The following DAB1 variants were observed in gnomAD, a reference collection of about 807,000 sequenced individuals.
DAB1 encodes disabled homolog 1.
A neutral mutation model predicts 64.6 loss-of-function variants in DAB1; 15 were observed. The ratio of observed to expected loss-of-function variants is 0.23; its 90% CI spans 0.16 to 0.36. DAB1 has a LOEUF of 0.36. DAB1 is among the 10% of genes least tolerant of loss of function. The pLI, the probability that DAB1 is intolerant of heterozygous loss-of-function variation, is 1.00. For missense variants in DAB1, 596 were observed against 706.7 expected, an observed-to-expected ratio of 0.84 and a Z score of 1.78; for synonymous variants, 235 against 251.9, an observed-to-expected ratio of 0.93 and a Z score of 0.64.
intron 1 of DAB1, among the ~76,000 whole-genome samples, chr1:57,399,205 G>A (rs988354647): frequency 1.3e-5 from 2 of 152,074 alleles, no homozygotes; most frequent in African/African-American, 4.8e-5. Flanking sequence ...TTAGTGTGAG[G>A]GTCTTTTTTT....
intron 1 of DAB1, among the ~76,000 whole-genome samples, chr1:57,843,858 G>T (rs1653159700): frequency 1.3e-5 from 2 of 152,092 alleles, no homozygotes. Flanking sequence ...AGCAGGAACA[G>T]CAATACTTGA....
intron 9 of DAB1, among the ~76,000 whole-genome samples, chr1:57,052,226 A>G (rs1380870316): frequency 6.6e-6 from 1 of 152,178 alleles, no homozygotes; most frequent in Non-Finnish European, 1.5e-5. Flanking sequence ...CTTTTTCTAC[A>G]GCAAAATCAA....
intron 5 of DAB1, among the ~76,000 whole-genome samples, chr1:58,127,138 A>G (rs1284976110): frequency 4.0e-5 from 6 of 151,362 alleles, no homozygotes; most frequent in Non-Finnish European, 8.8e-5. Context: ...CTGACTTTTT[A>G]ATGATTGCCA....
chr1:57,915,498 A>G (rs970242100), intron 5 of DAB1, among the ~76,000 whole-genome samples: 14 of 152,062 alleles, frequency 9.2e-5, no homozygotes, highest in African/African-American at 3.4e-4. Flanking sequence ...CTAAAATCAG[A>G]GTTTGGCAGC....
intron 1 of DAB1, among the ~76,000 whole-genome samples, chr1:57,297,131 G>A (rs1440363595): frequency 6.6e-6 from 1 of 152,160 alleles, no homozygotes; most frequent in Non-Finnish European, 1.5e-5. Flanking sequence ...GAAATCGGAA[G>A]GGGAGAGCTG....
At chr1:57,033,885 G>A (rs774201135) in intron 9 of DAB1, among the ~76,000 whole-genome samples, 9 of 152,194 alleles carry the variant, frequency 5.9e-5, no homozygotes, top group Admixed American at 2.0e-4. Flanking sequence ...GTTTACACCT[G>A]AGATTTTTCT....
At chr1:58,119,591 G>A (rs922471805) in intron 5 of DAB1, among the ~76,000 whole-genome samples, 5 of 152,078 alleles carry the variant, frequency 3.3e-5, no homozygotes, top group Non-Finnish European at 7.4e-5. Context: ...ACAGAGCAGA[G>A]AAAACAGGGC....
intron 2 of DAB1, among the ~76,000 whole-genome samples, chr1:57,150,909 A>C (rs776754026): frequency 5.9e-5 from 9 of 152,168 alleles, no homozygotes; most frequent in Non-Finnish European, 8.8e-5. Context: ...CAATCCCAGC[A>C]CTTTGAGAGG....
chr1:58,175,344 C>CA (rs749795261), intron 4 of DAB1, among the ~76,000 whole-genome samples: 17 of 152,192 alleles, frequency 1.1e-4, no homozygotes, highest in Admixed American at 1.0e-3. Context: ...ACTCTGGACA[C>CA]ATCTGAACAT....
chr1:58,218,112 C>T (rs1658951666), intron 4 of DAB1, among the ~76,000 whole-genome samples: 1 of 152,106 alleles, frequency 6.6e-6, no homozygotes, highest in Non-Finnish European at 1.5e-5. Context: ...ATACTCTATC[C>T]TTGCCTTCTG....
chr1:57,560,165 C>CAA (rs1645034237), intron 7 of DAB1, among the ~76,000 whole-genome samples: 1 of 152,244 alleles, frequency 6.6e-6, no homozygotes, highest in Non-Finnish European at 1.5e-5. Flanking sequence ...CTGCCTTCAG[C>CAA]TGGCAAGGCC....
intron 5 of DAB1, among the ~76,000 whole-genome samples, chr1:57,946,882 C>T (rs1255089246): frequency 1.3e-5 from 2 of 152,162 alleles, no homozygotes; most frequent in Non-Finnish European, 2.9e-5. Context: ...CCATATGATA[C>T]ACATGCCTAG....
At chr1:58,531,726 TTG>T (rs1491072666) in intron 1 of DAB1, among the ~76,000 whole-genome samples, 3 of 148,490 alleles carry the variant, frequency 2.0e-5, no homozygotes, top group Admixed American at 1.3e-4. Context: ...CTTTTTTTTT[TTG>T]AGACAGAGTC....
chr1:57,069,335 G>A (rs367833271), intron 8 of DAB1, 25 bp downstream of exon 8: 1 of 1,592,650 alleles, frequency 6.3e-7, no homozygotes. Context: ...TGGTGCAATG[G>A]TAAGAGAGGC....
At chr1:57,796,883 C>T (rs766965219) in intron 6 of DAB1, among the ~76,000 whole-genome samples, 5 of 152,152 alleles carry the variant, frequency 3.3e-5, no homozygotes, top group African/African-American at 7.2e-5. Flanking sequence ...ATCCTGCATC[C>T]GGTTCACTGA....
At position 57,889,911 on chromosome 1, in the gene DAB1, AGG is replaced by A. The variant is rs1644285187; in HGVS notation, n.388-5751_388-5750del. Among the ~76,000 whole-genome samples, 2 of 40,224 alleles carry A rather than the reference AGG, an allele frequency of 5.0e-5. 1 individual carries two copies. The highest frequency in any genetic ancestry group is 5.9e-4 in the Admixed American group (2 of 3,388). 26.4% of individuals were successfully genotyped at this position (40,224 alleles called of 152,430 possible). ...GCACAAACTGGGGCGGGGGGGGGGG[AGG>A]GGGAAGAAATCACTGGAGTAGAGGA... On this transcript the variant is annotated intron_variant and non_coding_transcript_variant, in intron 5 of 20. Coordinates refer to the DAB1 transcript ENST00000485760.
chr1:58,059,570 A>G (rs1354242121), intron 5 of DAB1, among the ~76,000 whole-genome samples: 1 of 152,188 alleles, frequency 6.6e-6, no homozygotes, highest in Non-Finnish European at 1.5e-5. Flanking sequence ...TTGTTTAGCA[A>G]AGGTTTATCA....
At chr1:57,028,083 T>C (rs887425828) in intron 9 of DAB1, among the ~76,000 whole-genome samples, 1 of 152,080 alleles carries the variant, frequency 6.6e-6, no homozygotes, top group Non-Finnish European at 1.5e-5. Context: ...TAGAAGGAAA[T>C]TGATCTGGTT....
chr1:57,000,283 A>G (rs2101618023), intron 14 of DAB1, among the ~76,000 whole-genome samples: 1 of 151,998 alleles, frequency 6.6e-6, no homozygotes, highest in East Asian at 1.9e-4. Flanking sequence ...TGACCTTGTG[A>G]TCCGCCCACC....
Sources: allele counts gnomAD v4.1 joint callset (sites outside exome capture counted in the v4.1 genomes callset), GRCh38; gene constraint gnomAD v4.1.1; transcripts MANE v1.5; gene names NCBI Gene and HGNC (gene_info 2026-07-23, HGNC 2026-07-21).